COL22A1: variants seen among roughly 807,000 people sequenced by gnomAD.
COL22A1 encodes the protein collagen alpha-1(XXII) chain.
A neutral mutation model predicts 248.9 loss-of-function variants in COL22A1; 221 were observed. That is an observed-to-expected ratio of 0.89 (90% CI 0.80 to 0.99). The LOEUF (loss-of-function observed/expected upper bound fraction) is 0.99, where lower values mean the gene tolerates loss of function less well. Among genes scored for constraint, COL22A1 ranks in the 50% least tolerant of loss-of-function variants. The probability of loss-of-function intolerance (pLI) is 0.00; values close to 1 mark genes in which losing one functional copy is unlikely to be tolerated. For synonymous variants in COL22A1, 891 were observed against 793.4 expected, an observed-to-expected ratio of 1.12 and a Z score of -2.07; for missense variants, 2,240 against 2,179.0, an observed-to-expected ratio of 1.03 and a Z score of -0.56.
intron 7 of COL22A1, among the ~76,000 whole-genome samples, chr8:138,814,157 C>T (rs543096145): frequency 1.3e-5 from 2 of 152,348 alleles, no homozygotes; most frequent in Non-Finnish European, 2.9e-5. Flanking sequence ...TCTTCACCTG[C>T]ACTTGCACTC....
chr8:138,842,228 G>T (rs1203244010), intron 4 of COL22A1, among the ~76,000 whole-genome samples: 2 of 152,176 alleles, frequency 1.3e-5, no homozygotes, highest in Non-Finnish European at 2.9e-5. Context: ...ATAGAGGAGT[G>T]CATCTCATGT....
chr8:138,724,635 G>A lies in COL22A1; in HGVS notation c.2227C>T (p.Pro743Ser). The A allele has an allele frequency of 6.2e-7, 1 of 1,614,190 alleles. No individual in the cohort carries two copies. Among genetic ancestry groups the A allele is most frequent in the Non-Finnish European group, 8.5e-7 (1 of 1,180,012 alleles). ...CTCACCGTGGGCCCAGGAGGTCCAG[G>A]CTTTCCCGGGAAGCCGATCTCTCCA... The part of the protein sequence containing the change: ...LPGEIGFPGK[P>S]GPPGPTGPPG... Residue 743 changes from proline to serine, a missense_variant, in exon 25 of 65, where the codon CCT (proline) becomes TCT (serine). Physicochemically the swap from Pro to Ser is moderately conservative, Grantham distance 74 (BLOSUM62 -1). Transcript: ENST00000303045.
intron 42 of COL22A1, among the ~76,000 whole-genome samples, chr8:138,663,012 T>TCACACA (rs1238032353): frequency 1.5e-4 from 21 of 140,770 alleles, no homozygotes; most frequent in Admixed American, 3.6e-4. Flanking sequence ...CAGGACTCTG[T>TCACACA]CACTCACACA....
chr8:138,735,224 G>C lies in COL22A1; in HGVS notation c.2139+2300C>G, dbSNP rs186458922. ...AGAAAAAGAAACCTGGCCTCTTAGC[G>C]TAAGAGTGGCTGACCTGAACACAGC... On this transcript the variant is annotated intron_variant, in intron 23 of 64. Transcript: ENST00000303045. Among the ~76,000 whole-genome samples, 16 of 152,278 alleles carry C rather than the reference G, an allele frequency of 1.1e-4. No homozygotes were observed. The South Asian group carries it at 3.1e-3, about 30-fold the overall frequency.
chr8:138,639,022 G>A (rs1821438438), intron 47 of COL22A1, among the ~76,000 whole-genome samples: 1 of 152,172 alleles, frequency 6.6e-6, no homozygotes, highest in African/African-American at 2.4e-5. Context: ...CATTTACAGA[G>A]CCCCGACTCT....
chr8:138,868,337 G>A (rs770188127), intron 3 of COL22A1, among the ~76,000 whole-genome samples: 1 of 152,044 alleles, frequency 6.6e-6, no homozygotes, highest in Non-Finnish European at 1.5e-5. Context: ...GGGTAGGAGT[G>A]GGAGAGAATC....
intron 1 of COL22A1, among the ~76,000 whole-genome samples, chr8:138,905,299 A>G (rs1053538995): frequency 6.6e-6 from 1 of 151,960 alleles, no homozygotes; most frequent in African/African-American, 2.4e-5. Flanking sequence ...CCCCTTATAC[A>G]CTCATTTAAA....
chr8:138,735,175 C>T (rs1027834904), intron 23 of COL22A1, among the ~76,000 whole-genome samples: 1 of 152,170 alleles, frequency 6.6e-6, no homozygotes, highest in South Asian at 2.1e-4. Context: ...CCAGAACTTA[C>T]AGTAAAATAA....
At chr8:138,723,135 C>T (rs978655817) in intron 25 of COL22A1, among the ~76,000 whole-genome samples, 10 of 152,138 alleles carry the variant, frequency 6.6e-5, no homozygotes, top group Admixed American at 2.6e-4. Context: ...TTTCCCCCAG[C>T]GGAATATCTT....
At position 138,635,033 on chromosome 8, in the gene COL22A1, G is replaced by A. The variant is rs775646764; in HGVS notation, c.3586C>T (p.Pro1196Ser). 4.3e-6 allele frequency: 7 copies of A among 1,609,514 alleles called. No homozygotes were observed. In the Admixed American group the frequency reaches 8.4e-5, roughly 19 times the overall value. Residue 1196 changes from proline to serine, a missense_variant, in exon 49 of 65, where the codon CCC becomes TCC. Coordinates refer to ENST00000303045, the MANE Select transcript of COL22A1 (RefSeq NM_152888.3). Reference sequence around the variant, plus strand: ...ACTGGTGGCCCAGGGTTCCCTGGGGGCCCCATGAAACCTGGAACTCCAGGA... The same window carrying A: ...ACTGGTGGCCCAGGGTTCCCTGGGGACCCCATGAAACCTGGAACTCCAGGA... ...GHPGVPGFMG[P>S]PGNPGPPGAD...
At chr8:138,909,656 T>C (rs1383479631) in intron 1 of COL22A1, among the ~76,000 whole-genome samples, 1 of 151,414 alleles carries the variant, frequency 6.6e-6, no homozygotes, top group Non-Finnish European at 1.5e-5. Context: ...TAACTGGGAG[T>C]GTACAAGTTA....
At position 138,737,531 on chromosome 8, in the gene COL22A1, C is replaced by G; in HGVS notation, c.2132G>C (p.Gly711Ala). The G allele has an allele frequency of 3.7e-6, 6 of 1,608,926 alleles. No individual in the cohort carries two copies. The highest frequency in any genetic ancestry group is 5.1e-6 in the Non-Finnish European group (6 of 1,175,436). The change falls in exon 23 of 65, where the codon GGG becomes GCG. Residue 711 changes from glycine to alanine, a missense_variant. By Grantham distance (60) the Gly-to-Ala change is moderately conservative. Transcript: ENST00000303045. Reference protein sequence around the residue: ...MGPPGIPGLLGLQGPPGPPGV... With the variant: ...MGPPGIPGLLALQGPPGPPGV... ...AATGTAAAAGGTAGTTACCTGCAGCCCCAGCAATCCAGGGATTCCAGGTGG... is the reference window on the plus strand; with the variant it reads ...AATGTAAAAGGTAGTTACCTGCAGCGCCAGCAATCCAGGGATTCCAGGTGG...
At chr8:138,774,444 AGTC>A (rs1814215690) in intron 16 of COL22A1, among the ~76,000 whole-genome samples, 1 of 133,938 alleles carries the variant, frequency 7.5e-6, no homozygotes, top group Non-Finnish European at 1.5e-5. Flanking sequence ...TCTGAGACGG[AGTC>A]TTGCTCTGTC....
intron 41 of COL22A1, among the ~76,000 whole-genome samples, chr8:138,672,485 G>A (rs1587827882): frequency 6.6e-6 from 1 of 152,216 alleles, no homozygotes; most frequent in African/African-American, 2.4e-5. Context: ...ACATAACGGG[G>A]CCATGCTTCC....
intron 4 of COL22A1, among the ~76,000 whole-genome samples, chr8:138,835,006 C>T (rs149370759): frequency 1.2e-4 from 19 of 152,168 alleles, no homozygotes; most frequent in Non-Finnish European, 2.1e-4. Context: ...TGAGCAGGGG[C>T]GGCACTGGAG....
intron 3 of COL22A1, among the ~76,000 whole-genome samples, chr8:138,850,006 G>A (rs1257817884): frequency 6.6e-6 from 1 of 152,160 alleles, no homozygotes; most frequent in Non-Finnish European, 1.5e-5. Flanking sequence ...TATTTTACAG[G>A]TGAACAAGTA....
At chr8:138,620,995 A>G (rs1196142021) in intron 52 of COL22A1, among the ~76,000 whole-genome samples, 1 of 22,876 alleles carries the variant, frequency 4.4e-5, no homozygotes, top group Non-Finnish European at 3.1e-4. Context: ...CCATCCATCC[A>G]CCCATCCATC....
intron 30 of COL22A1, 39 bp downstream of exon 30, chr8:138,715,643 T>C (rs1281716991): frequency 6.9e-7 from 1 of 1,441,530 alleles, no homozygotes; most frequent in Non-Finnish European, 9.6e-7. Flanking sequence ...ACCCAACTAA[T>C]AATAATTGAT....
chr8:138,697,587 G>A (rs2130952514), intron 32 of COL22A1, among the ~76,000 whole-genome samples: 1 of 152,318 alleles, frequency 6.6e-6, no homozygotes, highest in East Asian at 1.9e-4. Flanking sequence ...ATCAGGTGCA[G>A]CCACCAGCCA....
Sources: gnomAD v4.1 joint callset for allele counts (sites outside exome capture counted in the v4.1 genomes callset) on GRCh38, gnomAD v4.1.1 for gene constraint, MANE v1.5 for transcripts, NCBI Gene and HGNC (gene_info 2026-07-23, HGNC 2026-07-21) for gene names.